The following NTNG1 variants were observed in gnomAD, a reference collection of about 807,000 sequenced individuals.
The protein encoded by NTNG1 is netrin G1, also known as netrin-G1.
Under a neutral mutation model 54.0 loss-of-function variants are expected in NTNG1, and 16 were observed. That is an observed-to-expected ratio of 0.30 (90% CI 0.20 to 0.45). The LOEUF (loss-of-function observed/expected upper bound fraction) is 0.45. Ranked by LOEUF, NTNG1 falls within the 20% of genes least tolerant of loss-of-function variation. NTNG1 has a pLI of 1.00. For synonymous variants in NTNG1, 255 were observed against 263.1 expected (o/e 0.97, Z 0.30); for missense variants, 530 against 678.7 (o/e 0.78, Z 2.43).
chr1:107,402,856 A>C (rs1673127876), intron 4 of NTNG1, among the ~76,000 whole-genome samples: 2 of 152,114 alleles, frequency 1.3e-5, no homozygotes, highest in South Asian at 4.1e-4. Context: ...CTAGTTACCC[A>C]CTTGATGGGT....
chr1:107,314,427 A>G (rs112768703), intron 2 of NTNG1, among the ~76,000 whole-genome samples: 38 of 151,412 alleles, frequency 2.5e-4, no homozygotes, highest in African/African-American at 6.8e-4. Flanking sequence ...AAATAAATAA[A>G]TAAATAAATA....
chr1:107,430,963 T>C (rs745507695), intron 6 of NTNG1, 46 bp downstream of exon 6: 3 of 1,583,008 alleles, frequency 1.9e-6, no homozygotes, highest in South Asian at 1.1e-5. Context: ...CCTTTTGAGC[T>C]ACGGGGAGAT....
At chr1:107,438,673 G>C (rs1402619299) in intron 7 of NTNG1, among the ~76,000 whole-genome samples, 1 of 152,142 alleles carries the variant, frequency 6.6e-6, no homozygotes, top group African/African-American at 2.4e-5. Flanking sequence ...CTAAAGAATG[G>C]GTTGCTGGAG....
intron 7 of NTNG1, chr1:107,460,502 G>A: frequency 2.1e-6 from 1 of 485,610 alleles, no homozygotes; most frequent in Middle Eastern, 3.2e-4. Flanking sequence ...TTCCTCTATG[G>A]CCCATGGTTT....
intron 2 of NTNG1, among the ~76,000 whole-genome samples, chr1:107,279,129 A>T (rs748447690): frequency 1.3e-5 from 2 of 152,206 alleles, no homozygotes; most frequent in African/African-American, 4.8e-5. Context: ...TTGACCCTTC[A>T]GTCACTCAGA....
chr1:107,268,311 A>G (rs1238487182), intron 2 of NTNG1, among the ~76,000 whole-genome samples: 1 of 152,034 alleles, frequency 6.6e-6, no homozygotes, highest in Non-Finnish European at 1.5e-5. Flanking sequence ...CACTGTAACA[A>G]ATATAATTTG....
chr1:107,378,274 T>C (rs899019940), intron 3 of NTNG1, among the ~76,000 whole-genome samples: 34 of 152,196 alleles, frequency 2.2e-4, no homozygotes, highest in African/African-American at 8.2e-4. Context: ...GCACATTGCC[T>C]ATGACCCTTG....
Position 107,217,949 on chromosome 1 carries a change from A to G in NTNG1, c.246+69110A>G, listed in dbSNP as rs1196870670. 2.0e-5 allele frequency among the ~76,000 whole-genome samples: 3 copies of G among 152,144 alleles called. No homozygotes were observed. The East Asian group carries it at 5.8e-4, about 29-fold the overall frequency. On this transcript the variant is annotated intron_variant, in intron 2 of 7. Coordinates refer to ENST00000370068, the MANE Select transcript of NTNG1 (RefSeq NM_001113226.3). ...TTGTTGGGCAGAATGTTTTGTAAATATCTGTTAAGCCCATTTGTTCTAGGG... is the reference window on the plus strand; with the variant it reads ...TTGTTGGGCAGAATGTTTTGTAAATGTCTGTTAAGCCCATTTGTTCTAGGG...
chr1:107,304,211 G>A (rs1156742258), intron 2 of NTNG1, among the ~76,000 whole-genome samples: 1 of 149,398 alleles, frequency 6.7e-6, no homozygotes, highest in Non-Finnish European at 1.5e-5. Context: ...TTTTCTTTCT[G>A]GCATTTTAAA....
chr1:107,256,813 T>C (rs1662966154), intron 2 of NTNG1, among the ~76,000 whole-genome samples: 1 of 152,224 alleles, frequency 6.6e-6, no homozygotes, highest in African/African-American at 2.4e-5. Flanking sequence ...ATGAAGGATT[T>C]AATCAAGAGA....
At chr1:107,426,238 C>T (rs950286185) in intron 5 of NTNG1, among the ~76,000 whole-genome samples, 2 of 151,930 alleles carry the variant, frequency 1.3e-5, no homozygotes, top group Non-Finnish European at 2.9e-5. Context: ...ATTATAAATT[C>T]TTTGCCTAGG....
chr1:107,217,976 A>G (rs1002586887), intron 2 of NTNG1, among the ~76,000 whole-genome samples: 4 of 152,104 alleles, frequency 2.6e-5, no homozygotes, highest in African/African-American at 7.2e-5. Flanking sequence ...GTTCTAGGGT[A>G]TAGTTTAATT....
Position 107,192,315 on chromosome 1 carries a change from G to A in NTNG1, c.246+43476G>A, listed in dbSNP as rs865803629. 4.1e-4 allele frequency among the ~76,000 whole-genome samples: 63 copies of A among 151,940 alleles called. 1 individual carries two copies. The highest frequency in any genetic ancestry group is 6.8e-3 in the Middle Eastern group (2 of 294). ...TGTCTGACTTCTCCTTCGTGCTTTC[G>A]ACCTTCTTTTTACACAACCATCCTG... On this transcript the variant is annotated intron_variant, in intron 2 of 7. Transcript: ENST00000370068.
intron 2 of NTNG1, among the ~76,000 whole-genome samples, chr1:107,247,825 C>T (rs1662303494): frequency 1.3e-5 from 2 of 152,190 alleles, no homozygotes; most frequent in Admixed American, 1.3e-4. Flanking sequence ...CCTTGAGAAG[C>T]TTTGTGGTTC....
At chr1:107,289,334 C>T (rs1254207432) in intron 2 of NTNG1, among the ~76,000 whole-genome samples, 2 of 152,142 alleles carry the variant, frequency 1.3e-5, no homozygotes, top group African/African-American at 4.8e-5. Context: ...AGTCATCAAA[C>T]AAGCTCAAAT....
In NTNG1 at chr1:107,149,845, A is replaced by C. The variant is rs114788248; in HGVS notation, c.246+1006A>C. 2.1e-3 allele frequency among the ~76,000 whole-genome samples: 318 copies of C among 152,208 alleles called. 1 individual carries two copies. The highest frequency in any genetic ancestry group is 7.5e-3 in the African/African-American group (310 of 41,542). ...TTCTCCACATAACAGATATAATTGT[A>C]TGGCAGATTTTAATAATAATCTTAC... On this transcript the variant is annotated intron_variant, in intron 2 of 7. Transcript: ENST00000370068.
chr1:107,417,756 G>A (rs1415034515), intron 5 of NTNG1, among the ~76,000 whole-genome samples: 1 of 152,052 alleles, frequency 6.6e-6, no homozygotes, highest in African/African-American at 2.4e-5. Context: ...TCATAAAATA[G>A]CTGCTTTAAT....
chr1:107,454,219 G>A (rs187657854), intron 7 of NTNG1, among the ~76,000 whole-genome samples: 123 of 152,234 alleles, frequency 8.1e-4, no homozygotes, highest in African/African-American at 2.9e-3. Flanking sequence ...TGACTGACAA[G>A]GCTTACCAAT....
At chr1:107,341,947 G>A (rs780009092) in intron 3 of NTNG1, among the ~76,000 whole-genome samples, 46 of 152,134 alleles carry the variant, frequency 3.0e-4, no homozygotes, top group African/African-American at 5.5e-4. Flanking sequence ...AATTGGAACA[G>A]GGGTTCCGCA....
Sources: allele counts gnomAD v4.1 joint callset (sites outside exome capture counted in the v4.1 genomes callset), GRCh38; gene constraint gnomAD v4.1.1; transcripts MANE v1.5; gene names NCBI Gene and HGNC (gene_info 2026-07-23, HGNC 2026-07-21).